The following SIX4 variants were observed in gnomAD, a reference collection of about 807,000 sequenced individuals.
The protein encoded by SIX4 is homeobox protein SIX4.
In SIX4, 23 loss-of-function variants were observed where a neutral mutation model predicts 51.5. The ratio of observed to expected loss-of-function variants is 0.45; its 90% CI spans 0.32 to 0.63. The LOEUF is 0.63. Ranked by LOEUF, SIX4 falls within the 30% of genes least tolerant of loss-of-function variation. The pLI, the probability that SIX4 is intolerant of heterozygous loss-of-function variation, is 0.04. For synonymous variants in SIX4, 413 were observed against 417.3 expected, an observed-to-expected ratio of 0.99 and a Z score of 0.13; for missense variants, 867 against 984.0, an observed-to-expected ratio of 0.88 and a Z score of 1.59.
chr14:60,712,744 A>C lies in SIX4; in HGVS notation c.*663T>G, dbSNP rs1000232272. 1 of 152,574 alleles carries C rather than the reference A, an allele frequency of 6.6e-6. No individual in the cohort carries two copies. Among genetic ancestry groups the C allele is most frequent in the African/African-American group, 2.4e-5 (1 of 41,462 alleles). 9.5% of individuals were successfully genotyped at this position (152,574 alleles called of 1,614,324 possible). A position where few individuals can be genotyped will look rare whatever the true frequency, so the allele number is the denominator to read the frequency against. ...AAAATAAAATTCACTGTAATTACTCAAATCCTGCTTATAGAACTGATATAT... is the reference window on the plus strand; with the variant it reads ...AAAATAAAATTCACTGTAATTACTCCAATCCTGCTTATAGAACTGATATAT... On this transcript the variant is annotated 3_prime_UTR_variant, in exon 3 of 3. Coordinates refer to ENST00000216513, the MANE Select transcript of SIX4 (RefSeq NM_017420.5).
rs1164809225 is a variant in SIX4 at position 60,723,513 on chromosome 14, T to C, written c.562A>G (p.Lys188Glu). ...NHPLLQQLWY[K>E]ARYTEAERAR... is the part of the protein sequence containing the mutation. ...CGCTCGGCCTCGGTGTAGCGCGCCT[T>C]GTACCAGAGCTGCTGCAGCAGCGGG... Residue 188 changes from lysine to glutamate, a missense_variant, in exon 1 of 3, where the codon AAG becomes GAG. Physicochemically the swap from Lys to Glu is moderately conservative, Grantham distance 56 (BLOSUM62 1). Transcript: ENST00000216513. 1.2e-6 allele frequency: 2 copies of C among 1,606,736 alleles called. No homozygotes were observed. Among genetic ancestry groups the C allele is most frequent in the East Asian group, 4.5e-5 (2 of 44,768 alleles).
At chr14:60,715,244 GA>G (rs1265913745) in intron 2 of SIX4, among the ~76,000 whole-genome samples, 1 of 152,142 alleles carries the variant, frequency 6.6e-6, no homozygotes, top group East Asian at 1.9e-4. Context: ...CTGCCAGTTA[GA>G]ATTAGAAAAC....
chr14:60,715,455 C>A (rs964157900), intron 2 of SIX4, among the ~76,000 whole-genome samples: 7 of 152,080 alleles, frequency 4.6e-5, no homozygotes, highest in Admixed American at 3.9e-4. Flanking sequence ...AGCTTTTTTG[C>A]CTTTTGTTGT....
chr14:60,724,317 A>C lies in SIX4; in HGVS notation c.-243T>G. On this transcript the variant is annotated 5_prime_UTR_variant, in exon 1 of 3. Transcript: ENST00000216513. ...GATAGCTGCTTTCTGCCGTTCCCCC[A>C]ACGTGACTCCTCCGGTTGCTGCATA... 4.7e-6 allele frequency: 7 copies of C among 1,487,848 alleles called. No homozygotes were observed. The highest frequency in any genetic ancestry group is 5.4e-5 in the East Asian group (2 of 37,080). 92.2% of individuals were successfully genotyped at this position (1,487,848 alleles called of 1,614,324 possible).
Position 60,713,457 on chromosome 14 carries a change from G to T in SIX4, c.2296C>A (p.Leu766Ile). 1 of 1,613,832 alleles carries T rather than the reference G, an allele frequency of 6.2e-7. No homozygotes were observed. The highest frequency in any genetic ancestry group is 8.5e-7 in the Non-Finnish European group (1 of 1,179,970). ...CEDLETDKKE[L>I]AKLQTVQLDE... ...AGCTGGACAGTCTGGAGCTTGGCAA[G>T]CTCTTTTTTGTCTGTTTCCAGGTCT... The change falls in exon 3 of 3, where the codon CTT (leucine) becomes ATT (isoleucine). Residue 766 changes from leucine (L) to isoleucine (I), a missense_variant. Transcript: ENST00000216513.
chr14:60,713,563 CTCAGAATTTGATAAGA>C lies in SIX4; in HGVS notation c.2174_2189del (p.Phe725Ter). The C allele has an allele frequency of 6.2e-7, 1 of 1,614,204 alleles. No individual in the cohort carries two copies. The highest frequency in any genetic ancestry group is 8.5e-7 in the Non-Finnish European group (1 of 1,180,036). The stretch of plus-strand genomic sequence containing the variant: ...TCATTAAGCTACTTGTTGCTTTGCT[CTCAGAATTTGATAAGA>C]AATTCTCTTTCATGTTAGCTACCGA... On this transcript the variant is annotated frameshift_variant, in exon 3 of 3. Coordinates refer to ENST00000216513, the MANE Select transcript of SIX4 (RefSeq NM_017420.5). LOFTEE classifies it high-confidence loss of function.
chr14:60,718,186 CA>C (rs1309055356), intron 2 of SIX4, among the ~76,000 whole-genome samples: 2 of 152,126 alleles, frequency 1.3e-5, no homozygotes, highest in African/African-American at 2.4e-5. Context: ...ACTGAATCCC[CA>C]AAATGTTTTA....
intron 2 of SIX4, among the ~76,000 whole-genome samples, chr14:60,714,972 TAAAA>T (rs11449594): frequency 9.2e-4 from 119 of 129,326 alleles, no homozygotes; most frequent in African/African-American, 3.1e-3. Context: ...GCCCTTTCTT[TAAAA>T]AAAAAAAAAA....
rs1426561128 is a variant in SIX4 at position 60,723,826 on chromosome 14, CT to C, written c.248del (p.Gln83ArgfsTer67). 6 of 1,525,808 alleles carry C rather than the reference CT, an allele frequency of 3.9e-6. No homozygotes were observed. In the Admixed American group the frequency reaches 1.3e-4, roughly 33 times the overall value. The allele number at this position is 1,525,808 out of a possible 1,614,324, so 94.5% of individuals were successfully genotyped here. On this transcript the variant is annotated frameshift_variant, in exon 1 of 3. Coordinates refer to ENST00000216513, the MANE Select transcript of SIX4 (RefSeq NM_017420.5). LOFTEE classifies it high-confidence loss of function. The stretch of plus-strand genomic sequence containing the variant: ...CCAGAAGTTCCGAGTGGAGTTGTAC[CT>C]GATCCGCCGCCGCTCCGGCCGCCGC... ...AAAAAGAAAD[Q>X]VQLHSELLGR... is the part of the protein sequence containing the mutation.
In SIX4 at chr14:60,719,490, A is replaced by G. The variant is rs1438953837; in HGVS notation, c.1549+270T>C. Among the ~76,000 whole-genome samples the G allele has an allele frequency of 1.3e-5, 2 of 152,226 alleles. No individual in the cohort carries two copies. Among genetic ancestry groups the G allele is most frequent in the East Asian group, 3.8e-4 (2 of 5,204 alleles). On this transcript the variant is annotated intron_variant, in intron 2 of 2. Transcript: ENST00000216513. This position sits in a 1 kb window ranked among gnomAD's most constrained non-coding sequence, Gnocchi z 4.9. ...TGACTTATCATATTTCTGTAATTGT[A>G]GAACTGGCAGGACTTGCTATGAACT... is the stretch of plus-strand genomic sequence containing the variant.
In SIX4 at chr14:60,723,413, C is replaced by G. The variant is rs1231574541; in HGVS notation, c.662G>C (p.Trp221Ser). 5.6e-6 allele frequency: 9 copies of G among 1,611,410 alleles called. No individual in the cohort carries two copies. Among genetic ancestry groups the G allele is most frequent in the Non-Finnish European group, 7.6e-6 (9 of 1,179,968 alleles). ...ACAATACACCGTCTCCTCGCCGTCC[C>G]AGATGGTGCGGGGCAGGGGGAATTT... ...RRKFPLPRTI[W>S]DGEETVYCFK... is the part of the protein sequence containing the mutation. The change falls in exon 1 of 3, where the codon TGG becomes TCG. Residue 221 changes from tryptophan (W) to serine (S), a missense_variant. Physicochemically the swap from Trp to Ser is radical, Grantham distance 177 (BLOSUM62 -3). Coordinates refer to ENST00000216513, the MANE Select transcript of SIX4 (RefSeq NM_017420.5).
Position 60,714,108 on chromosome 14 carries a change from C to A in SIX4, c.1645G>T (p.Ala549Ser). ...ACCGTGTATACCACTGCACTGGGAG[C>A]AAGAGAGCTCAAGAAAACCTTTCCT... ...QQGKVFLSSL[A>S]PSAVVYTVPN... Residue 549 changes from alanine to serine, a missense_variant, in exon 3 of 3, where the codon GCT becomes TCT. Physicochemically the swap from Ala to Ser is moderately conservative, Grantham distance 99. Coordinates refer to ENST00000216513, the MANE Select transcript of SIX4 (RefSeq NM_017420.5). 1 of 1,613,996 alleles carries A rather than the reference C, an allele frequency of 6.2e-7. No individual in the cohort carries two copies. The highest frequency in any genetic ancestry group is 2.2e-5 in the East Asian group (1 of 44,882).
chr14:60,723,945 T>G lies in SIX4; in HGVS notation c.130A>C (p.Ser44Arg), dbSNP rs368086407. The G allele has an allele frequency of 2.6e-6, 4 of 1,510,864 alleles. No individual in the cohort carries two copies. In the African/African-American group the frequency reaches 4.3e-5, roughly 16 times the overall value. 93.6% of individuals were successfully genotyped at this position (1,510,864 alleles called of 1,614,324 possible). ...GGAAAAGGGGCTGGAGCCGGGGGGC[T>G]CAGCCCTACCGCCGCGCCCCCCGCC... ...EVAGGAAVGL[S>R]PPAPAPFPLE... The change falls in exon 1 of 3, where the codon AGC becomes CGC. Residue 44 changes from serine (S) to arginine (R), a missense_variant. Ser to Arg is a moderately radical substitution (Grantham distance 110, BLOSUM62 -1). Coordinates refer to ENST00000216513, the MANE Select transcript of SIX4 (RefSeq NM_017420.5).
At chr14:60,715,022 T>C (rs1032017267) in intron 2 of SIX4, among the ~76,000 whole-genome samples, 2 of 151,846 alleles carry the variant, frequency 1.3e-5, no homozygotes, top group Admixed American at 1.3e-4. Flanking sequence ...TGCGCATGTT[T>C]GTTACACGGG....
In SIX4 at chr14:60,719,980, T is replaced by G. The variant is rs1181510071; in HGVS notation, c.1329A>C (p.Ser443=). Residue 443 remains serine, a synonymous_variant, in exon 2 of 3, where the codon TCA becomes TCC. Coordinates refer to ENST00000216513, the MANE Select transcript of SIX4 (RefSeq NM_017420.5). The surrounding 1 kb of genome is among the most constrained non-coding windows in gnomAD (Gnocchi z 4.9). The part of the protein sequence containing the change: ...TTSYSPSVPV[S]FPGLIPSTEV... ...CAGTGCTGGGTATCAGGCCTGGGAATGAGACAGGGACACTGGGGCTGTAGG... is the reference window on the plus strand; with the variant it reads ...CAGTGCTGGGTATCAGGCCTGGGAAGGAGACAGGGACACTGGGGCTGTAGG... The G allele has an allele frequency of 6.2e-7, 1 of 1,614,052 alleles. No homozygotes were observed. Among genetic ancestry groups the G allele is most frequent in the Admixed American group, 1.7e-5 (1 of 60,002 alleles).
Position 60,722,120 on chromosome 14 carries a change from C to T in SIX4, c.863+1092G>A, listed in dbSNP as rs926017412. Among the ~76,000 whole-genome samples the T allele has an allele frequency of 6.6e-6, 1 of 152,180 alleles. No individual in the cohort carries two copies. Among genetic ancestry groups the T allele is most frequent in the Non-Finnish European group, 1.5e-5 (1 of 68,030 alleles). On this transcript the variant is annotated intron_variant, in intron 1 of 2. Coordinates refer to ENST00000216513, the MANE Select transcript of SIX4 (RefSeq NM_017420.5). This position sits in a 1 kb window ranked among gnomAD's most constrained non-coding sequence, Gnocchi z 5.9. ...AGTTTGCTTCCCCGAGAAGAACCTT[C>T]GAGCTGCTTTTGGATTCTTTCTCTC...
chr14:60,723,206 G>A lies in SIX4; in HGVS notation c.863+6C>T, dbSNP rs1321521289. 6 of 1,597,430 alleles carry A rather than the reference G, an allele frequency of 3.8e-6. No individual in the cohort carries two copies. The African/African-American group carries it at 4.0e-5, about 11-fold the overall frequency. ...AAGGGGGAGGAGGAGGAAAGTTGGC[G>A]CTCACCTTTTGGACTGGGTCTCGGA... is the stretch of plus-strand genomic sequence containing the variant. On this transcript the variant is annotated splice_donor_region_variant and intron_variant, in intron 1 of 2. Transcript: ENST00000216513.
In SIX4 at chr14:60,712,235, A is replaced by G. The variant is rs1031127921; in HGVS notation, c.*1172T>C. 9.9e-5 allele frequency: 15 copies of G among 152,276 alleles called. No individual in the cohort carries two copies. The highest frequency in any genetic ancestry group is 3.4e-4 in the African/African-American group (14 of 41,110). The allele number at this position is 152,276 out of a possible 1,614,324, so 9.4% of individuals were successfully genotyped here. ...ATTTTCCTTGTAATGAAAAGTATCAACAATAATTAGTTGTTTATCCATTTG... is the reference window on the plus strand; with the variant it reads ...ATTTTCCTTGTAATGAAAAGTATCAGCAATAATTAGTTGTTTATCCATTTG... On this transcript the variant is annotated 3_prime_UTR_variant, in exon 3 of 3. Transcript: ENST00000216513.
Position 60,714,220 on chromosome 14 carries a change from A to G in SIX4, c.1550-17T>C. The G allele has an allele frequency of 6.5e-7, 1 of 1,536,988 alleles. No individual in the cohort carries two copies. The highest frequency in any genetic ancestry group is 8.7e-7 in the Non-Finnish European group (1 of 1,152,832). On this transcript the variant is annotated splice_polypyrimidine_tract_variant and intron_variant, in intron 2 of 2. Transcript: ENST00000216513. ...AGATATTACCTAAAAAAAATAAAGT[A>G]CTGATTATCACTGATGGAAGTGAGA...
Sources: allele counts gnomAD v4.1 joint callset (sites outside exome capture counted in the v4.1 genomes callset), GRCh38; gene constraint gnomAD v4.1.1; non-coding constraint Gnocchi (gnomAD v3.1); transcripts MANE v1.5; gene names NCBI Gene and HGNC (gene_info 2026-07-23, HGNC 2026-07-21).